Variants in FYB2 observed in about 807,000 individuals in gnomAD.
The protein encoded by FYB2 is FYN-binding protein 2.
A neutral mutation model predicts 94.1 loss-of-function variants in FYB2; 103 were observed. The ratio of observed to expected loss-of-function variants is 1.09; its 90% CI spans 0.93 to 1.29. The LOEUF (loss-of-function observed/expected upper bound fraction) is 1.29. Ranked by LOEUF, FYB2 falls within the 50% of genes most tolerant of loss-of-function variation. The pLI, the probability that FYB2 is intolerant of heterozygous loss-of-function variation, is 0.00. For missense variants in FYB2, 896 were observed against 841.5 expected (o/e 1.06, Z -0.80); for synonymous variants, 293 against 287.9 (o/e 1.02, Z -0.18).
intron 8 of FYB2, 149 bp from the exon 9 acceptor site, chr1:56,751,352 T>C (rs1250315914): frequency 2.1e-6 from 2 of 940,344 alleles, no homozygotes; most frequent in Non-Finnish European, 3.1e-6. Context: ...AGACTCTAAG[T>C]TTCCTGAAGG....
intron 1 of FYB2, among the ~76,000 whole-genome samples, chr1:56,817,016 G>C (rs1646898961): frequency 6.6e-6 from 1 of 152,044 alleles, no homozygotes; most frequent in African/African-American, 2.4e-5. Context: ...TCTCCTACCT[G>C]GTCAGCCAGC....
chr1:56,812,309 A>G (rs1037887999), intron 1 of FYB2, among the ~76,000 whole-genome samples: 1 of 152,106 alleles, frequency 6.6e-6, no homozygotes, highest in South Asian at 2.1e-4. Context: ...TTTTTTAAAA[A>G]CCTCTGTCCT....
chr1:56,825,826 C>T, the FYB2 span, among the ~76,000 whole-genome samples: 1 of 152,202 alleles, frequency 6.6e-6, no homozygotes, highest in Non-Finnish European at 1.5e-5. Context: ...CTACCTGCTG[C>T]ATTTCTCCCT....
chr1:56,719,738 T>C, intron 19 of FYB2, 46 bp from the exon 20 acceptor site: 1 of 1,456,146 alleles, frequency 6.9e-7, no homozygotes, highest in South Asian at 1.2e-5. Flanking sequence ...TATAGGACAA[T>C]GAAACAGTTG....
At chr1:56,802,316 G>A (rs1340897959) in intron 1 of FYB2, among the ~76,000 whole-genome samples, 2 of 152,140 alleles carry the variant, frequency 1.3e-5, no homozygotes, top group African/African-American at 4.8e-5. Flanking sequence ...GCTGATAGCT[G>A]GGCTGGAGCA....
chr1:56,804,301 G>T (rs978461661), intron 1 of FYB2, among the ~76,000 whole-genome samples: 1 of 152,170 alleles, frequency 6.6e-6, no homozygotes, highest in African/African-American at 2.4e-5. Flanking sequence ...TACTCAATAA[G>T]TATTTACCAA....
chr1:56,718,792 T>G lies in FYB2; in HGVS notation c.*879A>C, dbSNP rs857142. The G allele has an allele frequency of 0.76, 115,697 of 152,514 alleles. 44,886 individuals are homozygous for G. Among genetic ancestry groups the G allele is most frequent in the African/African-American group, 0.94 (39,001 of 41,544 alleles). The allele number at this position is 152,514 out of a possible 1,614,324, so 9.4% of individuals were successfully genotyped here. On this transcript the variant is annotated 3_prime_UTR_variant, in exon 20 of 20. Coordinates refer to ENST00000343433, the MANE Select transcript of FYB2 (RefSeq NM_001004303.5). The stretch of plus-strand genomic sequence containing the variant: ...CTGAAAAAGCCACTTTCAAAAATTT[T>G]AAACTGTTAAATGCATATGTAGAAT...
At chr1:56,780,487 T>C (rs1379829084) in intron 4 of FYB2, among the ~76,000 whole-genome samples, 1 of 152,144 alleles carries the variant, frequency 6.6e-6, no homozygotes, top group Non-Finnish European at 1.5e-5. Context: ...CCTGGGGTGA[T>C]AGTTGAGAGG....
At chr1:56,729,442 T>A (rs1292657333) in intron 15 of FYB2, among the ~76,000 whole-genome samples, 2 of 152,066 alleles carry the variant, frequency 1.3e-5, no homozygotes, top group East Asian at 1.9e-4. Flanking sequence ...ATTGAAACAG[T>A]CACCAACATA....
intron 15 of FYB2, among the ~76,000 whole-genome samples, chr1:56,727,277 G>A (rs1472286302): frequency 2.0e-5 from 3 of 152,020 alleles, no homozygotes; most frequent in African/African-American, 7.2e-5. Flanking sequence ...TGACCACTTT[G>A]GAAAACAAGT....
chr1:56,719,601 T>C lies in FYB2; in HGVS notation c.*70A>G. The C allele has an allele frequency of 7.4e-7, 1 of 1,352,314 alleles. No homozygotes were observed. The highest frequency in any genetic ancestry group is 1.0e-6 in the Non-Finnish European group (1 of 982,514). 83.8% of individuals were successfully genotyped at this position (1,352,314 alleles called of 1,614,324 possible). A position where few individuals can be genotyped will look rare whatever the true frequency, so the allele number is the denominator to read the frequency against. On this transcript the variant is annotated 3_prime_UTR_variant, in exon 20 of 20. Transcript: ENST00000343433. ...ATTTTGACATGTAAACTGAAACTGA[T>C]GTAACGCAGGACTAGGATCTTAGGA...
At chr1:56,723,460 C>T (rs1644525723) in intron 17 of FYB2, 128 bp downstream of exon 17, 2 of 524,050 alleles carry the variant, frequency 3.8e-6, no homozygotes, top group African/African-American at 2.0e-5. Context: ...GAAATGCTGG[C>T]TTTTTGTGTC....
intron 1 of FYB2, among the ~76,000 whole-genome samples, chr1:56,805,087 G>T (rs762285006): frequency 3.3e-5 from 5 of 152,078 alleles, no homozygotes; most frequent in Non-Finnish European, 5.9e-5. Flanking sequence ...CAGTTCTTAG[G>T]TTGGGCCAAC....
In FYB2 at chr1:56,738,619, A is replaced by C; in HGVS notation, c.1732+6T>G. The C allele has an allele frequency of 6.2e-7, 1 of 1,610,086 alleles. No individual in the cohort carries two copies. Among genetic ancestry groups the C allele is most frequent in the Admixed American group, 1.7e-5 (1 of 59,670 alleles). On this transcript the variant is annotated splice_donor_region_variant and intron_variant, in intron 14 of 19. Coordinates refer to ENST00000343433, the MANE Select transcript of FYB2 (RefSeq NM_001004303.5). ...TTTTGGTCTGCAATAAGCAAATGGC[A>C]CTTACCTAAATCAGGCAGCAAAATG...
intron 6 of FYB2, 146 bp downstream of exon 6, chr1:56,758,569 CT>C: frequency 1.7e-6 from 1 of 603,732 alleles, no homozygotes. Context: ...AGTGCAGACT[CT>C]TAGAAGCTGG....
chr1:56,786,984 C>T (rs1297776814), intron 4 of FYB2, among the ~76,000 whole-genome samples, 191 bp downstream of exon 4: 1 of 152,152 alleles, frequency 6.6e-6, no homozygotes, highest in Non-Finnish European at 1.5e-5. Context: ...AACATCAGTA[C>T]GTGTTAAATG....
At chr1:56,760,925 G>A (rs1301737372) in intron 5 of FYB2, among the ~76,000 whole-genome samples, 2 of 152,142 alleles carry the variant, frequency 1.3e-5, no homozygotes, top group Non-Finnish European at 2.9e-5. Context: ...CATCCCAAAG[G>A]ATCAGAAATG....
intron 6 of FYB2, among the ~76,000 whole-genome samples, chr1:56,757,687 C>CTTCCTTCCTTCTTTCTTTCT (rs1293394860): frequency 6.0e-4 from 43 of 71,950 alleles, no homozygotes; most frequent in African/African-American, 2.5e-3. Context: ...TCCTTCCTTC[C>CTTCCTTCCTTCTTTCTTTCT]TTCTTTCTTT....
Position 56,751,124 on chromosome 1 carries a change from T to C in FYB2, c.1307A>G (p.Lys436Arg), listed in dbSNP as rs1043203637. The change falls in exon 9 of 20, where the codon AAG becomes AGG. Residue 436 changes from lysine to arginine, a missense_variant. Lys to Arg is a conservative substitution (Grantham distance 26, BLOSUM62 2). Coordinates refer to ENST00000343433, the MANE Select transcript of FYB2 (RefSeq NM_001004303.5). Reference sequence around the variant, plus strand: ...GATGATGTCAATCATGGCCTCTTGCTTTCCAGCCAACATGTTCCTTCTACC... The same window carrying C: ...GATGATGTCAATCATGGCCTCTTGCCTTCCAGCCAACATGTTCCTTCTACC... ...HTGRRNMLAG[K>R]QEAMIDIIQT... 1 of 1,612,822 alleles carries C rather than the reference T, an allele frequency of 6.2e-7. No homozygotes were observed. The highest frequency in any genetic ancestry group is 1.3e-5 in the African/African-American group (1 of 74,810).
Sources: allele counts gnomAD v4.1 joint callset (sites outside exome capture counted in the v4.1 genomes callset), GRCh38; gene constraint gnomAD v4.1.1; transcripts MANE v1.5; gene names NCBI Gene and HGNC (gene_info 2026-07-23, HGNC 2026-07-21).